The following ZBTB8A variants were observed in gnomAD, a reference collection of about 807,000 sequenced individuals.
The protein encoded by ZBTB8A is zinc finger and BTB domain-containing protein 8A.
ZBTB8A carries 19 observed loss-of-function variants against 37.8 expected under a neutral mutation model. The ratio of observed to expected loss-of-function variants is 0.50; its 90% CI spans 0.35 to 0.74. ZBTB8A has a LOEUF of 0.74. ZBTB8A is among the 30% of genes least tolerant of loss of function. The pLI, the probability that ZBTB8A is intolerant of heterozygous loss-of-function variation, is 0.01. For synonymous variants in ZBTB8A, 181 were observed against 185.2 expected, an observed-to-expected ratio of 0.98 and a Z score of 0.19; for missense variants, 394 against 537.8, an observed-to-expected ratio of 0.73 and a Z score of 2.65.
intron 2 of ZBTB8A, among the ~76,000 whole-genome samples, chr1:32,556,703 C>G (rs1401359869): frequency 6.6e-6 from 1 of 151,992 alleles, no homozygotes; most frequent in Non-Finnish European, 1.5e-5. Flanking sequence ...ATAGTGAAAC[C>G]CTGTCTGTAC....
intron 2 of ZBTB8A, among the ~76,000 whole-genome samples, chr1:32,573,520 C>T (rs1301633929): frequency 6.6e-6 from 1 of 151,022 alleles, no homozygotes; most frequent in African/African-American, 2.4e-5. Context: ...GCAGCCTCGA[C>T]TTCCTGGGCT....
At chr1:32,596,552 G>A (rs550493612) in intron 4 of ZBTB8A, among the ~76,000 whole-genome samples, 86 of 152,148 alleles carry the variant, frequency 5.7e-4, no homozygotes, top group Middle Eastern at 3.4e-3. Flanking sequence ...CTGCACTCCA[G>A]CCTGAATGAC....
chr1:32,604,329 C>G lies in ZBTB8A; in HGVS notation c.*3910C>G, dbSNP rs1644599396. On this transcript the variant is annotated 3_prime_UTR_variant, in exon 5 of 5. Transcript: ENST00000373510. ...AAGATGCTCAAATTTAAGGGATAAACTCTAAAATCAGAGCTGCTGTGGTTA... is the reference window on the plus strand; with the variant it reads ...AAGATGCTCAAATTTAAGGGATAAAGTCTAAAATCAGAGCTGCTGTGGTTA... The G allele has an allele frequency of 6.6e-6, 1 of 152,152 alleles. No individual in the cohort carries two copies. Among genetic ancestry groups the G allele is most frequent in the Non-Finnish European group, 1.5e-5 (1 of 68,026 alleles). The allele number at this position is 152,152 out of a possible 1,614,324, so 9.4% of individuals were successfully genotyped here.
At chr1:32,594,007 C>T (rs1393360307) in intron 3 of ZBTB8A, among the ~76,000 whole-genome samples, 2 of 151,948 alleles carry the variant, frequency 1.3e-5, no homozygotes, top group African/African-American at 2.4e-5. Context: ...GCCTGGCCAA[C>T]ATGGCAAAAC....
chr1:32,570,967 C>A (rs1310546625), intron 2 of ZBTB8A, among the ~76,000 whole-genome samples: 1 of 151,992 alleles, frequency 6.6e-6, no homozygotes, highest in Non-Finnish European at 1.5e-5. Flanking sequence ...CCTCCACCTC[C>A]CAAGTTCAAG....
At position 32,600,259 on chromosome 1, in the gene ZBTB8A, C is replaced by T. The variant is rs754927629; in HGVS notation, c.1166C>T (p.Ser389Phe). The T allele has an allele frequency of 1.2e-6, 2 of 1,614,102 alleles. No individual in the cohort carries two copies. Among genetic ancestry groups the T allele is most frequent in the East Asian group, 2.2e-5 (1 of 44,882 alleles). ...TTGGAAGCTGAACAACATCTTATGT[C>T]CCCATCAGATGGAGATAAGGATTCC... ...IDLEAEQHLM[S>F]PSDGDKDSRW... Residue 389 changes from serine (S) to phenylalanine (F), a missense_variant, in exon 5 of 5, where the codon TCC becomes TTC. Transcript: ENST00000373510.
Position 32,600,463 on chromosome 1 carries a change from T to C in ZBTB8A, c.*44T>C. 7.2e-7 allele frequency: 1 copy of C among 1,394,364 alleles called. No individual in the cohort carries two copies. Among genetic ancestry groups the C allele is most frequent in the Non-Finnish European group, 9.9e-7 (1 of 1,011,184 alleles). The allele number at this position is 1,394,364 out of a possible 1,614,324, so 86.4% of individuals were successfully genotyped here. A position where few individuals can be genotyped will look rare whatever the true frequency, so the allele number is the denominator to read the frequency against. On this transcript the variant is annotated 3_prime_UTR_variant, in exon 5 of 5. Coordinates refer to ENST00000373510, the MANE Select transcript of ZBTB8A (RefSeq NM_001040441.3). ...GAGCTGGCATGTCTGCAATTTACATTGACTTCCTGTATCTCTCTCTTTCTA... is the reference window on the plus strand; with the variant it reads ...GAGCTGGCATGTCTGCAATTTACATCGACTTCCTGTATCTCTCTCTTTCTA...
rs139095790 is a variant in ZBTB8A at position 32,593,087 on chromosome 1, T to G, written c.156T>G (p.Leu52=). ...LFASSGYFKM[L]LSQNSKETSQ... is the part of the protein sequence containing the mutation. Reference sequence around the variant, plus strand: ...CTAGTAGCGGCTACTTTAAAATGCTTCTTTCTCAGAATTCAAAGGAGACGA... The same window carrying G: ...CTAGTAGCGGCTACTTTAAAATGCTGCTTTCTCAGAATTCAAAGGAGACGA... Residue 52 remains leucine (L), a synonymous_variant, in exon 3 of 5, where the codon CTT becomes CTG. Transcript: ENST00000373510. The G allele has an allele frequency of 1.3e-5, 21 of 1,614,046 alleles. No homozygotes were observed. The African/African-American group carries it at 2.7e-4, about 21-fold the overall frequency.
At chr1:32,548,904 T>C (rs1644128236) in intron 1 of ZBTB8A, among the ~76,000 whole-genome samples, 1 of 151,884 alleles carries the variant, frequency 6.6e-6, no homozygotes, top group Non-Finnish European at 1.5e-5. Flanking sequence ...AAGAAATACC[T>C]GGCCGGGGCC....
At position 32,600,551 on chromosome 1, in the gene ZBTB8A, G is replaced by C. The variant is rs560785039; in HGVS notation, c.*132G>C. 16 of 707,178 alleles carry C rather than the reference G, an allele frequency of 2.3e-5. No individual in the cohort carries two copies. In the South Asian group the frequency reaches 3.1e-4, roughly 14 times the overall value. 43.8% of individuals were successfully genotyped at this position (707,178 alleles called of 1,614,324 possible). On this transcript the variant is annotated 3_prime_UTR_variant, in exon 5 of 5. Transcript: ENST00000373510. Reference sequence around the variant, plus strand: ...TTAAAGAAATGATCTGATATAACTTGCATGCTTTCTGAACAGGCCATTGTA... The same window carrying C: ...TTAAAGAAATGATCTGATATAACTTCCATGCTTTCTGAACAGGCCATTGTA...
At chr1:32,551,980 A>C (rs1341751444) in intron 1 of ZBTB8A, among the ~76,000 whole-genome samples, 1 of 152,026 alleles carries the variant, frequency 6.6e-6, no homozygotes, top group Non-Finnish European at 1.5e-5. Flanking sequence ...CATTTGGAGG[A>C]AAAGAGCAAT....
At chr1:32,600,046 T>G (rs1644563835) in intron 4 of ZBTB8A, 41 bp from the exon 5 acceptor site, 2 of 1,542,540 alleles carry the variant, frequency 1.3e-6, no homozygotes, top group Non-Finnish European at 1.8e-6. Context: ...CTGTCCTGCT[T>G]TTGAAAAATC....
rs1570379630 is a variant in ZBTB8A at position 32,601,543 on chromosome 1, C to G, written c.*1124C>G. 1 of 398,222 alleles carries G rather than the reference C, an allele frequency of 2.5e-6. No homozygotes were observed. Among genetic ancestry groups the G allele is most frequent in the African/African-American group, 2.1e-5 (1 of 48,700 alleles). The allele number at this position is 398,222 out of a possible 1,614,324, so 24.7% of individuals were successfully genotyped here. A position where few individuals can be genotyped will look rare whatever the true frequency, so the allele number is the denominator to read the frequency against. On this transcript the variant is annotated 3_prime_UTR_variant, in exon 5 of 5. Coordinates refer to ENST00000373510, the MANE Select transcript of ZBTB8A (RefSeq NM_001040441.3). ...AGTGATTTCTAACGTTTATGTAGTG[C>G]TATATTATTTATAAAGTACTCTCTC...
At chr1:32,593,783 T>C in intron 3 of ZBTB8A, 29 bp downstream of exon 3, 1 of 1,558,982 alleles carries the variant, frequency 6.4e-7, no homozygotes. Flanking sequence ...AGTCCCCTCA[T>C]CCAGGTTCCA....
In ZBTB8A at chr1:32,576,510, C is replaced by T. The variant is rs112530126; in HGVS notation, c.-1-16421C>T. On this transcript the variant is annotated intron_variant, in intron 2 of 4. Coordinates refer to ENST00000373510, the MANE Select transcript of ZBTB8A (RefSeq NM_001040441.3). ...ATGGCGCAATCTTGGCTCACTGTAA[C>T]CTCCACCTCCCAAGTTCAAGCGATT... Among the ~76,000 whole-genome samples, 131 of 151,140 alleles carry T rather than the reference C, an allele frequency of 8.7e-4. 1 individual carries two copies. The highest frequency in any genetic ancestry group is 3.1e-3 in the African/African-American group (126 of 40,522).
Position 32,605,169 on chromosome 1 carries a change from AAAGAT to A in ZBTB8A, c.*4751_*4755del, listed in dbSNP as rs1276610511. ...CATCAAAAAAAAAAAAAAAAAAAAA[AAAGAT>A]GTGTTTAACTGGGAAGGGTGATAAT... On this transcript the variant is annotated 3_prime_UTR_variant, in exon 5 of 5. Transcript: ENST00000373510. 1 of 151,436 alleles carries A rather than the reference AAAGAT, an allele frequency of 6.6e-6. No individual in the cohort carries two copies. The highest frequency in any genetic ancestry group is 2.4e-5 in the African/African-American group (1 of 41,172). 9.4% of individuals were successfully genotyped at this position (151,436 alleles called of 1,614,324 possible). A position where few individuals can be genotyped will look rare whatever the true frequency, so the allele number is the denominator to read the frequency against.
intron 4 of ZBTB8A, among the ~76,000 whole-genome samples, chr1:32,596,369 C>CA (rs760050080): frequency 0.016 from 1,697 of 103,724 alleles, 32 homozygotes; most frequent in East Asian, 0.099. Context: ...GACTCCATCT[C>CA]AAAAAAAAAA....
At chr1:32,550,563 G>T (rs967943544) in intron 1 of ZBTB8A, among the ~76,000 whole-genome samples, 3 of 152,206 alleles carry the variant, frequency 2.0e-5, no homozygotes, top group Non-Finnish European at 4.4e-5. Flanking sequence ...GGCAGAGGTT[G>T]CAGTGAGCCA....
rs143882169 is a variant in ZBTB8A at position 32,587,147 on chromosome 1, G to A, written c.-1-5784G>A. On this transcript the variant is annotated intron_variant, in intron 2 of 4. Transcript: ENST00000373510. ...CCAGCCACTCGGGAGGCTGAGGTAG[G>A]AGAATCGCTTGAACTCTGGAGGCCG... Among the ~76,000 whole-genome samples, 678 of 152,134 alleles carry A rather than the reference G, an allele frequency of 4.5e-3. 1 individual carries two copies. The highest frequency in any genetic ancestry group is 6.8e-3 in the Non-Finnish European group (464 of 68,000).
Sources: allele counts gnomAD v4.1 joint callset (sites outside exome capture counted in the v4.1 genomes callset), GRCh38; gene constraint gnomAD v4.1.1; transcripts MANE v1.5; gene names NCBI Gene and HGNC (gene_info 2026-07-23, HGNC 2026-07-21).